IQSEC1: variants seen among roughly 807,000 people sequenced by gnomAD.
IQSEC1 encodes the protein IQ motif and Sec7 domain ArfGEF 1.
IQSEC1 carries 31 observed loss-of-function variants against 91.0 expected under a neutral mutation model. The observed-to-expected ratio is 0.34, with a 90% CI of 0.26 to 0.46. The LOEUF (loss-of-function observed/expected upper bound fraction) is 0.46, where lower values mean the gene tolerates loss of function less well. IQSEC1 is among the 20% of genes least tolerant of loss of function. IQSEC1 has a pLI of 1.00. For synonymous variants in IQSEC1, 699 were observed against 662.6 expected (o/e 1.05, Z -0.84); for missense variants, 1,388 against 1,575.6 (o/e 0.88, Z 2.02).
chr3:12,986,593 C>T (rs1462064920), intron 1 of IQSEC1, among the ~76,000 whole-genome samples: 2 of 152,204 alleles, frequency 1.3e-5, no homozygotes, highest in African/African-American at 2.4e-5. Flanking sequence ...CTGGTGAACC[C>T]GAGAGTGGGA....
At chr3:12,987,356 C>T (rs763478467) in intron 1 of IQSEC1, among the ~76,000 whole-genome samples, 1 of 152,232 alleles carries the variant, frequency 6.6e-6, no homozygotes, top group Non-Finnish European at 1.5e-5. Flanking sequence ...GAAAAGAACA[C>T]GGTTCTCACC....
chr3:13,110,229 A>G (rs948222025), intron 2 of IQSEC1, among the ~76,000 whole-genome samples: 6 of 151,864 alleles, frequency 4.0e-5, no homozygotes, highest in Admixed American at 1.3e-4. Context: ...GGTGCCGGGC[A>G]TATAGGAGGT....
chr3:13,104,682 G>C (rs775793037), intron 2 of IQSEC1, among the ~76,000 whole-genome samples: 2 of 152,106 alleles, frequency 1.3e-5, no homozygotes, highest in Non-Finnish European at 2.9e-5. Context: ...CTGCTCTCAC[G>C]GGACCCCAGG....
intron 1 of IQSEC1, among the ~76,000 whole-genome samples, chr3:12,964,222 G>T (rs541837528): frequency 6.6e-6 from 1 of 152,194 alleles, no homozygotes; most frequent in African/African-American, 2.4e-5. Flanking sequence ...GAGCCTTAAT[G>T]GCCTCTAAAC....
chr3:12,995,165 C>G (rs1450751237), intron 1 of IQSEC1: 1 of 152,238 alleles, frequency 6.6e-6, no homozygotes. Flanking sequence ...GCGGCGAGAC[C>G]GGAGACCGGA....
At chr3:12,953,201 G>A (rs67927247) in intron 1 of IQSEC1, among the ~76,000 whole-genome samples, 14,906 of 152,272 alleles carry the variant, frequency 0.098, 784 homozygotes, top group South Asian at 0.15. Flanking sequence ...CACCCACAGC[G>A]CTGTCTCCAT....
intron 1 of IQSEC1, among the ~76,000 whole-genome samples, chr3:12,955,779 G>A (rs973867693): frequency 3.9e-5 from 6 of 152,172 alleles, no homozygotes; most frequent in African/African-American, 1.4e-4. Flanking sequence ...AGGGACCCTC[G>A]GCCTTGCCCC....
At chr3:13,080,010 A>G (rs1209871669) in intron 2 of IQSEC1, among the ~76,000 whole-genome samples, 1 of 152,250 alleles carries the variant, frequency 6.6e-6, no homozygotes, top group Non-Finnish European at 1.5e-5. Context: ...TTAGGCAGAC[A>G]GTGCATGGAA....
chr3:13,128,912 A>G (rs1169233848), intron 2 of IQSEC1, among the ~76,000 whole-genome samples: 1 of 150,074 alleles, frequency 6.7e-6, no homozygotes, highest in Non-Finnish European at 1.5e-5. Flanking sequence ...TGTTACATCT[A>G]GGTTAATGAG....
intron 1 of IQSEC1, among the ~76,000 whole-genome samples, chr3:13,230,944 T>C (rs548770426): frequency 2.0e-5 from 3 of 152,354 alleles, no homozygotes; most frequent in African/African-American, 7.2e-5. Context: ...ATCCTCAACA[T>C]CATCTTGTTC....
intron 12 of IQSEC1, among the ~76,000 whole-genome samples, chr3:12,906,323 C>T (rs983342836): frequency 6.6e-6 from 1 of 152,184 alleles, no homozygotes; most frequent in Non-Finnish European, 1.5e-5. Context: ...GCCATGCTGC[C>T]GCTGGGGAGC....
At chr3:13,114,487 A>G (rs1706303048) in intron 2 of IQSEC1, among the ~76,000 whole-genome samples, 1 of 152,186 alleles carries the variant, frequency 6.6e-6, no homozygotes, top group African/African-American at 2.4e-5. Context: ...TGGGTCTGAC[A>G]TTTTTTAAAA....
rs532528402 is a variant in IQSEC1, at chr3:13,227,236, C to T, written c.272+55475G>A. Among the ~76,000 whole-genome samples, 3 of 151,968 alleles carry T rather than the reference C, an allele frequency of 2.0e-5. No homozygotes were observed. In the East Asian group the frequency reaches 5.8e-4, roughly 29 times the overall value. ...ACTAAAAATACAAAAATTAGCTGGG[C>T]ATGGTGGCGGGCGCCTATAATCCCA... On this transcript the variant is annotated intron_variant, in intron 1 of 15. Coordinates refer to the IQSEC1 transcript ENST00000648114.
chr3:13,234,256 C>CTGTG (rs760751899), intron 1 of IQSEC1, among the ~76,000 whole-genome samples: 3 of 146,048 alleles, frequency 2.1e-5, no homozygotes, highest in East Asian at 2.0e-4. Flanking sequence ...GCCCCCGTGT[C>CTGTG]TGTGCCTGTG....
chr3:12,990,876 G>A (rs1365931810), intron 1 of IQSEC1, among the ~76,000 whole-genome samples: 1 of 152,228 alleles, frequency 6.6e-6, no homozygotes, highest in African/African-American at 2.4e-5. Flanking sequence ...ACATGTGAAA[G>A]CCCCTGTGAT....
At chr3:13,267,606 T>G (rs1325909070) in intron 1 of IQSEC1, among the ~76,000 whole-genome samples, 1 of 149,970 alleles carries the variant, frequency 6.7e-6, no homozygotes, top group East Asian at 1.9e-4. Flanking sequence ...GCAAATTTCT[T>G]TTTTTTTTCT....
chr3:13,199,214 T>C (rs557723699), intron 1 of IQSEC1, among the ~76,000 whole-genome samples: 27 of 152,242 alleles, frequency 1.8e-4, no homozygotes, highest in Middle Eastern at 3.4e-3. Flanking sequence ...AGGCTTAGGA[T>C]GGAAGAGAGC....
chr3:13,078,411 C>T (rs1416831293), upstream of IQSEC1, among the ~76,000 whole-genome samples: 1 of 152,134 alleles, frequency 6.6e-6, no homozygotes, highest in African/African-American at 2.4e-5. Context: ...GAGACAGAGC[C>T]CCAGGATGTG....
intron 1 of IQSEC1, among the ~76,000 whole-genome samples, chr3:12,945,916 C>T (rs768617324): frequency 1.3e-5 from 2 of 152,206 alleles, no homozygotes; most frequent in African/African-American, 4.8e-5. Context: ...ATGATGTGGA[C>T]GCTTGACTAT....
Sources: gnomAD v4.1 joint callset for allele counts (sites outside exome capture counted in the v4.1 genomes callset) on GRCh38, gnomAD v4.1.1 for gene constraint, MANE v1.5 for transcripts, NCBI Gene and HGNC (gene_info 2026-07-23, HGNC 2026-07-21) for gene names.